The following FAM117A variants were observed in gnomAD, a reference collection of about 807,000 sequenced individuals.
FAM117A encodes protein FAM117A.
FAM117A carries 21 observed loss-of-function variants against 44.1 expected under a neutral mutation model. The observed-to-expected ratio is 0.48, with a 90% CI of 0.34 to 0.69. The LOEUF is 0.69. Ranked by LOEUF, FAM117A falls within the 30% of genes least tolerant of loss-of-function variation. FAM117A has a pLI of 0.01. For synonymous variants in FAM117A, 220 were observed against 238.3 expected, an observed-to-expected ratio of 0.92 and a Z score of 0.71; for missense variants, 498 against 589.9, an observed-to-expected ratio of 0.84 and a Z score of 1.61.
At position 49,711,264 on chromosome 17, in the gene FAM117A, C is replaced by T. The variant is rs750198788; in HGVS notation, c.1353G>A (p.Leu451=). 26 of 1,602,914 alleles carry T rather than the reference C, an allele frequency of 1.6e-5. No individual in the cohort carries two copies. Among genetic ancestry groups the T allele is most frequent in the South Asian group, 7.8e-5 (7 of 90,100 alleles). ...GGCAGGGGTGGGACCCTCAGACCAT[C>T]AGGGAGCTCTGGAAAAGCACAGGCT... ...SEEPVLFQSS[L]MV Residue 451 remains leucine (L), a synonymous_variant, in exon 8 of 8, where the codon CTG becomes CTA. Transcript: ENST00000240364.
At chr17:49,775,469 A>G (rs16948360) in intron 1 of FAM117A, among the ~76,000 whole-genome samples, 1 of 152,146 alleles carries the variant, frequency 6.6e-6, no homozygotes, top group African/African-American at 2.4e-5. Flanking sequence ...TAGCTGATGA[A>G]AAAGTCCCAA....
chr17:49,725,848 C>T lies in FAM117A; in HGVS notation c.367-3254G>A, dbSNP rs554992531. On this transcript the variant is annotated intron_variant, in intron 2 of 7. Coordinates refer to ENST00000240364, the MANE Select transcript of FAM117A (RefSeq NM_030802.4). ...GGTGGACCCTAAATACCATTACAAA[C>T]GTCCTTAAATAAGAAAGAGGCAGAG... Among the ~76,000 whole-genome samples, 12 of 152,306 alleles carry T rather than the reference C, an allele frequency of 7.9e-5. No individual in the cohort carries two copies. In the South Asian group the frequency reaches 1.0e-3, roughly 13 times the overall value.
At chr17:49,727,455 C>G (rs2073565086) in intron 2 of FAM117A, among the ~76,000 whole-genome samples, 2 of 152,132 alleles carry the variant, frequency 1.3e-5, no homozygotes, top group Non-Finnish European at 1.5e-5. Context: ...GAGTCATGCA[C>G]TGGAACAGAT....
intron 7 of FAM117A, among the ~76,000 whole-genome samples, chr17:49,711,882 C>T (rs764938714): frequency 2.0e-5 from 3 of 152,196 alleles, no homozygotes; most frequent in Admixed American, 1.3e-4. Context: ...CGGTGGCTCA[C>T]GCCTATAATC....
intron 1 of FAM117A, among the ~76,000 whole-genome samples, chr17:49,756,658 G>A (rs920757431): frequency 1.5e-4 from 23 of 151,538 alleles, no homozygotes; most frequent in African/African-American, 5.6e-4. Context: ...GTTCACACCT[G>A]TAATCGCAGC....
intron 1 of FAM117A, among the ~76,000 whole-genome samples, chr17:49,761,878 T>TC (rs1200388170): frequency 6.6e-6 from 1 of 152,120 alleles, no homozygotes; most frequent in African/African-American, 2.4e-5. Flanking sequence ...CTACAGATAA[T>TC]CCCCCCAACT....
At chr17:49,748,960 A>G (rs532249173) in intron 1 of FAM117A, among the ~76,000 whole-genome samples, 1 of 152,298 alleles carries the variant, frequency 6.6e-6, no homozygotes, top group African/African-American at 2.4e-5. Flanking sequence ...AATGATTACC[A>G]GATCCACCCC....
chr17:49,769,236 A>G (rs1341332178), intron 1 of FAM117A, among the ~76,000 whole-genome samples: 1 of 152,082 alleles, frequency 6.6e-6, no homozygotes, highest in Admixed American at 6.6e-5. Flanking sequence ...CGGAGGCTGC[A>G]GTAAGCCGAG....
intron 2 of FAM117A, among the ~76,000 whole-genome samples, chr17:49,728,680 A>G (rs971161265): frequency 5.9e-5 from 9 of 152,224 alleles, no homozygotes; most frequent in African/African-American, 2.2e-4. Context: ...TTGCACAGCA[A>G]GAAGGGAAAG....
rs768920032 is a variant in FAM117A at position 49,786,409 on chromosome 17, G to T, written c.-621+2088C>A. ...TCTGAGCGCTATACATTCAGAGACTGTAAAACAGTAATGATATTCTTACTG... is the reference window on the plus strand; with the variant it reads ...TCTGAGCGCTATACATTCAGAGACTTTAAAACAGTAATGATATTCTTACTG... On this transcript the variant is annotated intron_variant, in intron 1 of 7. Transcript: ENST00000513602. Among the ~76,000 whole-genome samples the T allele has an allele frequency of 2.4e-4, 36 of 152,200 alleles. 1 individual carries two copies. The highest frequency in any genetic ancestry group is 1.3e-4 in the Non-Finnish European group (9 of 68,038).
intron 1 of FAM117A, among the ~76,000 whole-genome samples, chr17:49,781,069 G>C (rs1333475085): frequency 6.6e-6 from 1 of 151,764 alleles, no homozygotes; most frequent in Non-Finnish European, 1.5e-5. Context: ...CCCAACCTTG[G>C]CCTCCCAAAG....
At chr17:49,716,375 G>T in intron 6 of FAM117A, 60 bp from the exon 7 acceptor site, 1 of 1,436,456 alleles carries the variant, frequency 7.0e-7, no homozygotes, top group Non-Finnish European at 9.2e-7. Context: ...ACTTTTCTGG[G>T]TCCAGGACTG....
chr17:49,726,896 C>T (rs2073562393), intron 2 of FAM117A, among the ~76,000 whole-genome samples: 1 of 151,878 alleles, frequency 6.6e-6, no homozygotes, highest in South Asian at 2.1e-4. Flanking sequence ...AGGAGGACCA[C>T]TTGCGCCCAG....
chr17:49,711,452 G>C lies in FAM117A; in HGVS notation c.1165C>G (p.Pro389Ala). ...SAFCPVNLMK[P>A]LFPGMGFIFR... ...ATGAAGCCCATGCCGGGGAAGAGGG[G>C]CTTCATCAGGTTGACGGGGCAGAAG... Residue 389 changes from proline (P) to alanine (A), a missense_variant, in exon 8 of 8, where the codon CCC becomes GCC. Transcript: ENST00000240364. The C allele has an allele frequency of 6.2e-7, 1 of 1,614,056 alleles. No homozygotes were observed. The highest frequency in any genetic ancestry group is 8.5e-7 in the Non-Finnish European group (1 of 1,180,024).
intron 7 of FAM117A, among the ~76,000 whole-genome samples, chr17:49,712,121 G>A (rs1364622364): frequency 1.3e-5 from 2 of 152,172 alleles, no homozygotes; most frequent in African/African-American, 4.8e-5. Context: ...ACTCCAGCCT[G>A]GGCAACAGAG....
rs2143781455 is a variant in FAM117A at position 49,759,137 on chromosome 17, T to C, written c.196+4755A>G. On this transcript the variant is annotated intron_variant, in intron 1 of 7. Coordinates refer to ENST00000240364, the MANE Select transcript of FAM117A (RefSeq NM_030802.4). ...TCTTGCCATCACAGCCCACTGTTGT[T>C]CTCACCCCTCTGACACTGACCTCAA... Among the ~76,000 whole-genome samples the C allele has an allele frequency of 2.6e-5, 4 of 152,296 alleles. No homozygotes were observed. The South Asian group carries it at 8.3e-4, about 32-fold the overall frequency.
At chr17:49,764,433 C>G (rs970829092), upstream of FAM117A, among the ~76,000 whole-genome samples, 3 of 152,022 alleles carry the variant, frequency 2.0e-5, no homozygotes, top group South Asian at 2.1e-4. Context: ...AGCGTCACAC[C>G]CAGTCCCAGG....
At chr17:49,734,943 G>A (rs978598518) in intron 1 of FAM117A, among the ~76,000 whole-genome samples, 1 of 152,146 alleles carries the variant, frequency 6.6e-6, no homozygotes, top group Admixed American at 6.5e-5. Context: ...TTTTCTTGAG[G>A]TATCTAGAAT....
upstream of FAM117A, chr17:49,788,635 C>T (rs532232609): frequency 8.4e-5 from 43 of 509,674 alleles, 2 homozygotes; most frequent in South Asian, 9.7e-4. Flanking sequence ...TGACGCGAGA[C>T]CCAGCCGGAA....
Sources: allele counts gnomAD v4.1 joint callset (sites outside exome capture counted in the v4.1 genomes callset), GRCh38; gene constraint gnomAD v4.1.1; transcripts MANE v1.5; gene names NCBI Gene and HGNC (gene_info 2026-07-23, HGNC 2026-07-21).